Variants in YEATS2 observed in about 807,000 individuals in gnomAD.
YEATS2 encodes the protein YEATS domain-containing protein 2.
Under a neutral mutation model 163.2 loss-of-function variants are expected in YEATS2, and 77 were observed. The observed-to-expected ratio is 0.47, with a 90% confidence interval of 0.39 to 0.57. The LOEUF is 0.57. YEATS2 is among the 20% of genes least tolerant of loss of function. The pLI is 0.00. For synonymous variants in YEATS2, 631 were observed against 645.1 expected (o/e 0.98, Z 0.33); for missense variants, 1,549 against 1,729.8 (o/e 0.90, Z 1.85).
At chr3:183,776,943 ACT>A (rs1723061405) in intron 18 of YEATS2, among the ~76,000 whole-genome samples, 1 of 146,654 alleles carries the variant, frequency 6.8e-6, no homozygotes, top group African/African-American at 2.5e-5. Flanking sequence ...AAAGGGTGAG[ACT>A]CTGTCTCAAA....
intron 20 of YEATS2, 71 bp from the exon 21 acceptor site, chr3:183,790,726 C>T: frequency 1.3e-6 from 2 of 1,535,552 alleles, no homozygotes; most frequent in East Asian, 4.5e-5. Flanking sequence ...TGCTGTGTGG[C>T]CGTCACCGCC....
Position 183,808,254 on chromosome 3 carries a change from T to G in YEATS2, c.4086+150T>G, listed in dbSNP as rs1392983913. The G allele has an allele frequency of 3.5e-5, 22 of 631,896 alleles. No homozygotes were observed. In the South Asian group the frequency reaches 3.5e-4, roughly 10 times the overall value. The allele number at this position is 631,896 out of a possible 1,614,324, so 39.1% of individuals were successfully genotyped here. On this transcript the variant is annotated intron_variant, in intron 29 of 30. Coordinates refer to ENST00000305135, the MANE Select transcript of YEATS2 (RefSeq NM_018023.5). ...TAAGTTCTCTCTTTTTGTTTTTTTG[T>G]TTTTTTTCCTTCTGATTTTTAAATG...
intron 8 of YEATS2, among the ~76,000 whole-genome samples, chr3:183,743,881 A>G (rs757126021): frequency 3.3e-5 from 5 of 152,062 alleles, no homozygotes; most frequent in Non-Finnish European, 2.9e-5. Flanking sequence ...TTCTTCTACA[A>G]ATGGACCTCT....
chr3:183,709,300 T>C (rs962898847), intron 1 of YEATS2, among the ~76,000 whole-genome samples: 24 of 152,198 alleles, frequency 1.6e-4, no homozygotes, highest in Non-Finnish European at 2.9e-4. Context: ...GTGTTACTTA[T>C]GGAAAAAATC....
At chr3:183,798,197 G>T (rs1408802289) in intron 22 of YEATS2, 146 bp downstream of exon 22, 2 of 1,262,098 alleles carry the variant, frequency 1.6e-6, no homozygotes, top group East Asian at 5.1e-5. Context: ...CCCTTCAGCT[G>T]TCATGGTATT....
chr3:183,753,832 C>T (rs1720436611), intron 10 of YEATS2, among the ~76,000 whole-genome samples: 1 of 152,012 alleles, frequency 6.6e-6, no homozygotes, highest in Admixed American at 6.5e-5. Flanking sequence ...AACAGTTTTT[C>T]AGTTTATATA....
chr3:183,742,347 A>G (rs1291395800), intron 8 of YEATS2, among the ~76,000 whole-genome samples: 1 of 152,270 alleles, frequency 6.6e-6, no homozygotes, highest in African/African-American at 2.4e-5. Flanking sequence ...TCTAGATGCC[A>G]TTGAGAACAT....
intron 15 of YEATS2, among the ~76,000 whole-genome samples, chr3:183,764,368 TAAAAAAA>T (rs11452949): frequency 7.6e-5 from 8 of 105,234 alleles, no homozygotes; most frequent in Middle Eastern, 6.8e-3. Context: ...AAACTCTGTT[TAAAAAAA>T]AAAAAAAAAA....
intron 15 of YEATS2, among the ~76,000 whole-genome samples, chr3:183,764,398 C>T (rs1290686009): frequency 7.3e-6 from 1 of 136,628 alleles, no homozygotes; most frequent in Non-Finnish European, 1.6e-5. Context: ...AAAAAGATAT[C>T]ATATAGATGT....
intron 27 of YEATS2, among the ~76,000 whole-genome samples, chr3:183,805,524 C>T (rs769968584): frequency 6.6e-6 from 1 of 152,038 alleles, no homozygotes; most frequent in Non-Finnish European, 1.5e-5. Flanking sequence ...GACTTAGGGC[C>T]GGGCTCAGTG....
chr3:183,749,035 C>T (rs1180514228), intron 9 of YEATS2, among the ~76,000 whole-genome samples: 7 of 151,936 alleles, frequency 4.6e-5, no homozygotes, highest in Admixed American at 3.3e-4. Flanking sequence ...CTCCGCCTCC[C>T]GGGTTCACGC....
chr3:183,810,401 T>G, intron 30 of YEATS2, 74 bp from the exon 31 acceptor site: 298 of 1,344,924 alleles, frequency 2.2e-4, no homozygotes, highest in Non-Finnish European at 2.9e-4. Flanking sequence ...GTCCCTGTGA[T>G]GAGTTAAGTG....
intron 6 of YEATS2, among the ~76,000 whole-genome samples, chr3:183,725,041 C>CTTTTTTTTTTTTTTTTTTTTTTTTT (rs62826962): frequency 3.4e-4 from 30 of 87,516 alleles, no homozygotes; most frequent in South Asian, 4.9e-4. Context: ...CCGTGCCGGC[C>CTTTTTTTTTTTTTTTTTTTTTTTTT]TTTTTTTTTT....
intron 15 of YEATS2, among the ~76,000 whole-genome samples, chr3:183,765,657 C>G (rs1721829096): frequency 6.6e-6 from 1 of 152,050 alleles, no homozygotes; most frequent in African/African-American, 2.4e-5. Flanking sequence ...GAAACTATGC[C>G]AGAGAACAGG....
At chr3:183,807,345 A>G in intron 28 of YEATS2, 1 of 455,680 alleles carries the variant, frequency 2.2e-6, no homozygotes, top group Non-Finnish European at 4.0e-6. Flanking sequence ...TGCTTGTTGA[A>G]CGCAGACGTG....
chr3:183,780,492 A>G (rs148689157), intron 19 of YEATS2, among the ~76,000 whole-genome samples: 234 of 152,310 alleles, frequency 1.5e-3, no homozygotes, highest in African/African-American at 5.5e-3. Flanking sequence ...TTGCTTGTCC[A>G]CTATTGGGCT....
At chr3:183,727,160 T>C (rs1000789570) in intron 6 of YEATS2, among the ~76,000 whole-genome samples, 7 of 152,122 alleles carry the variant, frequency 4.6e-5, no homozygotes, top group African/African-American at 1.7e-4. Flanking sequence ...ATGAATACAT[T>C]GATATACGTA....
rs1713635858 is a variant in YEATS2 at position 183,697,879 on chromosome 3, C to A, written c.-134C>A. ...GTGTGCTTCCGCAGGTTGCGGGGGT[C>A]GCTGGGGCCTTGTGGCGGGGCAGCT... On this transcript the variant is annotated 5_prime_UTR_variant, in exon 1 of 31. Transcript: ENST00000305135. 1.3e-5 allele frequency: 2 copies of A among 151,554 alleles called. No individual in the cohort carries two copies. Among genetic ancestry groups the A allele is most frequent in the African/African-American group, 4.8e-5 (2 of 41,426 alleles). The allele number at this position is 151,554 out of a possible 1,614,324, so 9.4% of individuals were successfully genotyped here.
chr3:183,729,653 T>C (rs1045387245), intron 7 of YEATS2, among the ~76,000 whole-genome samples: 2 of 146,398 alleles, frequency 1.4e-5, no homozygotes, highest in Non-Finnish European at 3.0e-5. Context: ...AATTTGCTTG[T>C]ACCATTTAGG....
Sources: gnomAD v4.1 joint callset for allele counts (sites outside exome capture counted in the v4.1 genomes callset) on GRCh38, gnomAD v4.1.1 for gene constraint, MANE v1.5 for transcripts, NCBI Gene and HGNC (gene_info 2026-07-23, HGNC 2026-07-21) for gene names.